Variants in PDSS2 observed in about 807,000 individuals in gnomAD.
PDSS2 encodes all trans-polyprenyl-diphosphate synthase PDSS2.
In PDSS2, 31 loss-of-function variants were observed where a neutral mutation model predicts 44.5. That is an observed-to-expected ratio of 0.70 (90% confidence interval 0.52 to 0.94). PDSS2 has a LOEUF of 0.94. Ranked by LOEUF, PDSS2 falls within the 40% of genes least tolerant of loss-of-function variation. PDSS2 has a pLI of 0.00. For missense variants in PDSS2, 452 were observed against 482.2 expected (o/e 0.94, Z 0.59); for synonymous variants, 157 against 180.3 (o/e 0.87, Z 1.03).
intron 7 of PDSS2, among the ~76,000 whole-genome samples, chr6:107,178,831 G>A (rs1040973581): frequency 2.0e-5 from 3 of 152,094 alleles, no homozygotes; most frequent in Non-Finnish European, 2.9e-5. Flanking sequence ...GGCCAGCCTG[G>A]CCAACATAGT....
intron 1 of PDSS2, among the ~76,000 whole-genome samples, chr6:107,347,343 T>C (rs975090232): frequency 7.3e-6 from 1 of 136,850 alleles, no homozygotes; most frequent in Non-Finnish European, 1.5e-5. Context: ...GCTCTCCACA[T>C]CCCGGGTTCA....
At chr6:107,229,599 A>T (rs1218054193) in intron 4 of PDSS2, among the ~76,000 whole-genome samples, 1 of 152,086 alleles carries the variant, frequency 6.6e-6, no homozygotes, top group Non-Finnish European at 1.5e-5. Flanking sequence ...TTTCTAGTCG[A>T]CGTCCCCTGC....
chr6:107,186,796 T>C (rs968446733), intron 7 of PDSS2, among the ~76,000 whole-genome samples: 30 of 152,220 alleles, frequency 2.0e-4, no homozygotes, highest in Admixed American at 2.0e-3. Context: ...ATCTCATGCC[T>C]TTTTATGGCT....
At chr6:107,335,942 C>T (rs569278189) in intron 1 of PDSS2, among the ~76,000 whole-genome samples, 1 of 133,838 alleles carries the variant, frequency 7.5e-6, no homozygotes, top group Non-Finnish European at 1.5e-5. Context: ...GGTAACATAG[C>T]CAAAAATAAT....
chr6:107,422,707 A>G (rs1431741857), intron 1 of PDSS2, among the ~76,000 whole-genome samples: 1 of 152,090 alleles, frequency 6.6e-6, no homozygotes, highest in African/African-American at 2.4e-5. Flanking sequence ...AAATATACAC[A>G]TGTGATAAAC....
chr6:107,340,759 C>T (rs988651742), intron 1 of PDSS2, among the ~76,000 whole-genome samples: 12 of 151,888 alleles, frequency 7.9e-5, no homozygotes, highest in African/African-American at 2.2e-4. Context: ...GGAGACGGGA[C>T]TGGAATGGAG....
chr6:107,173,419 C>T (rs1479506373), intron 7 of PDSS2, among the ~76,000 whole-genome samples: 1 of 151,096 alleles, frequency 6.6e-6, no homozygotes, highest in African/African-American at 2.4e-5. Flanking sequence ...ACTAAAAATA[C>T]AAAAATTAGT....
At chr6:107,281,961 AGTG>A (rs1775973966) in intron 2 of PDSS2, among the ~76,000 whole-genome samples, 1 of 152,062 alleles carries the variant, frequency 6.6e-6, no homozygotes, top group Non-Finnish European at 1.5e-5. Context: ...GCTGGAGTGC[AGTG>A]GTGTGACCTC....
intron 2 of PDSS2, among the ~76,000 whole-genome samples, chr6:107,316,542 G>C (rs1777205895): frequency 6.6e-6 from 1 of 152,078 alleles, no homozygotes; most frequent in South Asian, 2.1e-4. Flanking sequence ...TGGATTGTTA[G>C]GTGGTTTTGA....
intron 1 of PDSS2, among the ~76,000 whole-genome samples, chr6:107,416,762 C>T (rs1780673417): frequency 6.6e-6 from 1 of 152,134 alleles, no homozygotes; most frequent in African/African-American, 2.4e-5. Flanking sequence ...CCCGAAACTT[C>T]TTAGCTTGCT....
intron 6 of PDSS2, chr6:107,197,735 A>G (rs1772617011): frequency 6.7e-6 from 3 of 449,130 alleles, no homozygotes; most frequent in Non-Finnish European, 1.4e-5. Context: ...CTCAACACTG[A>G]GCACATCTGT....
chr6:107,261,389 T>C (rs530356065), intron 3 of PDSS2, among the ~76,000 whole-genome samples: 12 of 152,264 alleles, frequency 7.9e-5, no homozygotes, highest in African/African-American at 2.9e-4. Context: ...TCCTTCCCGT[T>C]GCTCCTGCTT....
chr6:107,162,610 A>ATTTTTTTTTTTTTTTTTTTTTTT (rs71012782), intron 7 of PDSS2, among the ~76,000 whole-genome samples: 2 of 115,552 alleles, frequency 1.7e-5, no homozygotes, highest in Non-Finnish European at 3.4e-5. Context: ...GAATTCCCTA[A>ATTTTTTTTTTTTTTTTTTTTTTT]TTTTTTTTTT....
In PDSS2 at chr6:107,274,396, T is replaced by C. The variant is rs375937253; in HGVS notation, c.432-169A>G. 1.1e-4 allele frequency among the ~76,000 whole-genome samples: 16 copies of C among 152,250 alleles called. 1 individual carries two copies. In the East Asian group the frequency reaches 2.3e-3, roughly 22 times the overall value. On this transcript the variant is annotated intron_variant, in intron 2 of 7. Coordinates refer to ENST00000369037, the MANE Select transcript of PDSS2 (RefSeq NM_020381.4). ...ATAGAGGTCTCTCTACTGAGCAGTT[T>C]GGGATCTGTAAGATGTTGACACCTT...
chr6:107,181,732 A>G (rs11153055), intron 7 of PDSS2, among the ~76,000 whole-genome samples: 45,303 of 151,204 alleles, frequency 0.3, 7,233 homozygotes, highest in East Asian at 0.52. Context: ...TCTACTAAAA[A>G]TACAAAAATT....
At chr6:107,178,162 T>C (rs1315448186) in intron 7 of PDSS2, among the ~76,000 whole-genome samples, 1 of 152,138 alleles carries the variant, frequency 6.6e-6, no homozygotes, top group East Asian at 1.9e-4. Flanking sequence ...ATAAGATGAG[T>C]TTAAAACACA....
intron 7 of PDSS2, among the ~76,000 whole-genome samples, chr6:107,182,013 T>C (rs1164959822): frequency 6.6e-6 from 1 of 152,236 alleles, no homozygotes; most frequent in East Asian, 1.9e-4. Flanking sequence ...GGAATAGAGA[T>C]TATGATAATT....
intron 4 of PDSS2, among the ~76,000 whole-genome samples, chr6:107,219,574 A>G (rs1201170607): frequency 6.6e-6 from 1 of 152,242 alleles, no homozygotes; most frequent in Non-Finnish European, 1.5e-5. Context: ...GGCATGAGCC[A>G]CTGTGCTTGG....
intron 1 of PDSS2, among the ~76,000 whole-genome samples, chr6:107,379,196 GA>G (rs1779382981): frequency 1.3e-5 from 2 of 152,142 alleles, no homozygotes; most frequent in African/African-American, 4.8e-5. Context: ...TGGACTCATG[GA>G]TATTTATAGT....
Sources: gnomAD v4.1 joint callset for allele counts (sites outside exome capture counted in the v4.1 genomes callset) on GRCh38, gnomAD v4.1.1 for gene constraint, MANE v1.5 for transcripts, NCBI Gene and HGNC (gene_info 2026-07-23, HGNC 2026-07-21) for gene names.